The following KDM7A variants were observed in gnomAD, a reference collection of about 807,000 sequenced individuals.
KDM7A encodes lysine demethylase 7A.
In KDM7A, 28 loss-of-function variants were observed where a neutral mutation model predicts 114.8. The ratio of observed to expected loss-of-function variants is 0.24; its 90% confidence interval spans 0.18 to 0.33. The LOEUF (loss-of-function observed/expected upper bound fraction) is 0.33, where lower values mean the gene tolerates loss of function less well. KDM7A is among the 10% of genes least tolerant of loss of function. The pLI, the probability that KDM7A is intolerant of heterozygous loss-of-function variation, is 1.00. For missense variants in KDM7A, 942 were observed against 1,142.5 expected, an observed-to-expected ratio of 0.82 and a Z score of 2.53; for synonymous variants, 423 against 397.8, an observed-to-expected ratio of 1.06 and a Z score of -0.75.
At chr7:140,126,845 C>A (rs1232704253) in intron 5 of KDM7A, 22 bp from the exon 6 acceptor site, 1 of 1,556,662 alleles carries the variant, frequency 6.4e-7, no homozygotes, top group South Asian at 1.1e-5. Flanking sequence ...CAAACATACA[C>A]ACACACCCAC....
chr7:140,161,420 C>T (rs997562717), intron 1 of KDM7A, among the ~76,000 whole-genome samples: 1 of 152,226 alleles, frequency 6.6e-6, no homozygotes, highest in Non-Finnish European at 1.5e-5. Flanking sequence ...AAAACTGTTT[C>T]ATGTTCTGAC....
intron 8 of KDM7A, 76 bp from the exon 9 acceptor site, chr7:140,119,295 A>C (rs1173233924): frequency 1.3e-6 from 1 of 772,520 alleles, no homozygotes; most frequent in African/African-American, 1.8e-5. Context: ...ACTGGAAAAT[A>C]AAATAACCAG....
At chr7:140,161,735 G>A (rs1015060995) in intron 1 of KDM7A, among the ~76,000 whole-genome samples, 31 of 151,610 alleles carry the variant, frequency 2.0e-4, no homozygotes, top group African/African-American at 6.5e-4. Context: ...TAGTAGAGAC[G>A]GGGTTTCACC....
intron 10 of KDM7A, among the ~76,000 whole-genome samples, chr7:140,112,444 T>C (rs1293251843): frequency 6.6e-6 from 1 of 152,104 alleles, no homozygotes; most frequent in Non-Finnish European, 1.5e-5. Flanking sequence ...ACCTCATTTC[T>C]ACTAAAACAT....
At chr7:140,115,552 G>A (rs979070339) in intron 9 of KDM7A, among the ~76,000 whole-genome samples, 11 of 152,086 alleles carry the variant, frequency 7.2e-5, no homozygotes, top group Admixed American at 2.0e-4. Flanking sequence ...AATGGATTAA[G>A]GGCGGTGCAA....
chr7:140,136,795 T>C (rs896306266), intron 2 of KDM7A, among the ~76,000 whole-genome samples: 5 of 152,082 alleles, frequency 3.3e-5, no homozygotes, highest in African/African-American at 1.2e-4. Context: ...GAGACCAGCC[T>C]GGCCAACATG....
chr7:140,115,567 T>C (rs1200291068), intron 9 of KDM7A, among the ~76,000 whole-genome samples: 1 of 152,148 alleles, frequency 6.6e-6, no homozygotes, highest in Non-Finnish European at 1.5e-5. Context: ...GTGCAAGATG[T>C]GCTTTGTTAA....
chr7:140,124,901 T>C (rs1033322696), intron 6 of KDM7A, 118 bp from the exon 7 acceptor site: 19 of 667,738 alleles, frequency 2.8e-5, no homozygotes, highest in East Asian at 1.7e-4. Context: ...TCAGATTCTT[T>C]TAGGTTCAAA....
chr7:140,157,955 C>A (rs890330900), intron 1 of KDM7A, among the ~76,000 whole-genome samples: 1 of 149,368 alleles, frequency 6.7e-6, no homozygotes, highest in East Asian at 1.9e-4. Context: ...GGCCACAGAG[C>A]AAGACTCCGT....
At chr7:140,155,351 C>T (rs1304791268) in intron 1 of KDM7A, among the ~76,000 whole-genome samples, 3 of 152,168 alleles carry the variant, frequency 2.0e-5, no homozygotes, top group Non-Finnish European at 4.4e-5. Context: ...CTACCTTTAC[C>T]CACCAGGCAT....
intron 2 of KDM7A, among the ~76,000 whole-genome samples, chr7:140,138,437 T>C (rs895375148): frequency 6.6e-6 from 1 of 152,088 alleles, no homozygotes; most frequent in African/African-American, 2.4e-5. Context: ...AAGCTGAAAA[T>C]AGATATCATA....
intron 10 of KDM7A, among the ~76,000 whole-genome samples, chr7:140,111,736 A>G (rs1818435986): frequency 6.6e-6 from 1 of 152,232 alleles, no homozygotes; most frequent in Non-Finnish European, 1.5e-5. Flanking sequence ...AGGCTGGCAG[A>G]TCACCTGAGG....
chr7:140,116,095 A>G (rs1190588608), intron 9 of KDM7A, among the ~76,000 whole-genome samples: 3 of 152,202 alleles, frequency 2.0e-5, no homozygotes, highest in Admixed American at 6.5e-5. Context: ...AATTGGAAAC[A>G]ATTTGGCAGC....
At chr7:140,107,640 C>T (rs950337646) in intron 11 of KDM7A, among the ~76,000 whole-genome samples, 25 of 152,306 alleles carry the variant, frequency 1.6e-4, no homozygotes, top group African/African-American at 4.8e-4. Context: ...CCGAGAGATC[C>T]GCTGTCAGTC....
At chr7:140,115,786 T>C (rs1350679659) in intron 9 of KDM7A, among the ~76,000 whole-genome samples, 1 of 123,214 alleles carries the variant, frequency 8.1e-6, no homozygotes, top group Non-Finnish European at 1.7e-5. Context: ...CCAAGAATTA[T>C]CAATAAAAAA....
intron 1 of KDM7A, among the ~76,000 whole-genome samples, chr7:140,148,407 T>A (rs1794363198): frequency 8.1e-6 from 1 of 123,242 alleles, no homozygotes; most frequent in Non-Finnish European, 1.8e-5. Context: ...TTGTTTTTTG[T>A]TTTTTGGTCT....
chr7:140,115,323 T>G (rs1030885085), intron 9 of KDM7A, among the ~76,000 whole-genome samples: 1 of 152,212 alleles, frequency 6.6e-6, no homozygotes, highest in Non-Finnish European at 1.5e-5. Context: ...GATCGGGCCA[T>G]GATGACAATG....
At chr7:140,141,624 T>A (rs1455187129) in intron 1 of KDM7A, among the ~76,000 whole-genome samples, 1 of 152,102 alleles carries the variant, frequency 6.6e-6, no homozygotes, top group Non-Finnish European at 1.5e-5. Context: ...CCTAGTGGGG[T>A]GGCTTACATC....
intron 1 of KDM7A, among the ~76,000 whole-genome samples, chr7:140,153,367 T>A (rs1794422478): frequency 1.3e-5 from 2 of 151,566 alleles, no homozygotes; most frequent in Non-Finnish European, 2.9e-5. Context: ...GCACCTGTAG[T>A]CCCAGCTACT....
Sources: allele counts gnomAD v4.1 joint callset (sites outside exome capture counted in the v4.1 genomes callset), GRCh38; gene constraint gnomAD v4.1.1; transcripts MANE v1.5; gene names NCBI Gene and HGNC (gene_info 2026-07-23, HGNC 2026-07-21).